CCSER2: variants seen among roughly 807,000 people sequenced by gnomAD.
The protein encoded by CCSER2 is serine-rich coiled-coil domain-containing protein 2.
In CCSER2, 46 loss-of-function variants were observed where a neutral mutation model predicts 92.3. The observed-to-expected ratio is 0.50, with a 90% CI of 0.39 to 0.64. The LOEUF is 0.64. Among genes scored for constraint, CCSER2 ranks in the 30% least tolerant of loss-of-function variants. CCSER2 has a pLI of 0.00. For synonymous variants in CCSER2, 433 were observed against 431.4 expected (o/e 1.00, Z -0.04); for missense variants, 1,244 against 1,238.9 (o/e 1.00, Z -0.06).
rs1293476871 is a variant in CCSER2 at position 84,516,725 on chromosome 10, T to C, written c.*2458T>C. 1 of 152,168 alleles carries C rather than the reference T, an allele frequency of 6.6e-6. No individual in the cohort carries two copies. Among genetic ancestry groups the C allele is most frequent in the Non-Finnish European group, 1.5e-5 (1 of 68,036 alleles). The allele number at this position is 152,168 out of a possible 1,614,324, so 9.4% of individuals were successfully genotyped here. A position where few individuals can be genotyped will look rare whatever the true frequency, so the allele number is the denominator to read the frequency against. On this transcript the variant is annotated 3_prime_UTR_variant, in exon 10 of 10. Transcript: ENST00000372088. ...TTTTCTCTATTTTTTCCTCCATGTA[T>C]TTACTCCATTTTTCTCTATTTTTTC...
rs1335571135 is a variant in CCSER2, at chr10:84,513,861, A to G, written c.2738A>G (p.Tyr913Cys). The G allele has an allele frequency of 3.3e-6, 5 of 1,536,244 alleles. No homozygotes were observed. The highest frequency in any genetic ancestry group is 3.5e-6 in the Non-Finnish European group (4 of 1,146,966). The change falls in exon 10 of 10, where the codon TAT (tyrosine) becomes TGT (cysteine). Residue 913 changes from tyrosine to cysteine, a missense_variant. By Grantham distance (194) the Tyr-to-Cys change is radical. Transcript: ENST00000372088. ...AGAAATCAGTCTCCGCCAGTGGGTT[A>G]TATGTCTCAGCCCAAGTCCTTGCAG... ...VGRNQSPPVG[Y>C]MSQPKSLQLL...
intron 1 of CCSER2, among the ~76,000 whole-genome samples, chr10:84,349,468 A>G (rs1031541032): frequency 1.3e-5 from 2 of 151,712 alleles, no homozygotes; most frequent in Non-Finnish European, 2.9e-5. Context: ...GGAGTTCGAG[A>G]CCAGCCTGGG....
At chr10:84,380,889 G>A (rs1840867449) in intron 3 of CCSER2, among the ~76,000 whole-genome samples, 1 of 152,018 alleles carries the variant, frequency 6.6e-6, no homozygotes, top group African/African-American at 2.4e-5. Flanking sequence ...TAGAGATGGG[G>A]TTTCACCGTG....
intron 9 of CCSER2, among the ~76,000 whole-genome samples, chr10:84,506,594 C>G (rs1176571778): frequency 6.6e-6 from 1 of 151,928 alleles, no homozygotes; most frequent in Non-Finnish European, 1.5e-5. Context: ...GAGTTCGAGA[C>G]CAGTCTGGCC....
At chr10:84,421,941 G>T (rs868238240) in intron 4 of CCSER2, among the ~76,000 whole-genome samples, 1 of 152,144 alleles carries the variant, frequency 6.6e-6, no homozygotes, top group East Asian at 1.9e-4. Context: ...ACCCAGCAAG[G>T]CCTGTCTGTT....
chr10:84,470,261 T>C, intron 7 of CCSER2, 111 bp from the exon 8 acceptor site: 1 of 533,088 alleles, frequency 1.9e-6, no homozygotes, highest in Non-Finnish European at 2.8e-6. Context: ...ATAGAGGATT[T>C]CCCCCCTAAA....
At chr10:84,369,538 A>G (rs1347648941) in intron 1 of CCSER2, among the ~76,000 whole-genome samples, 1 of 151,740 alleles carries the variant, frequency 6.6e-6, no homozygotes, top group African/African-American at 2.4e-5. Context: ...GATTAGTTGG[A>G]GTTCCTTATA....
At chr10:84,380,213 T>C (rs1363766982) in intron 3 of CCSER2, among the ~76,000 whole-genome samples, 1 of 152,018 alleles carries the variant, frequency 6.6e-6, no homozygotes, top group East Asian at 1.9e-4. Context: ...ATACATAATT[T>C]TAATTTACAT....
intron 3 of CCSER2, 155 bp downstream of exon 3, chr10:84,373,970 C>G: frequency 1.4e-6 from 2 of 1,413,806 alleles, no homozygotes; most frequent in East Asian, 2.5e-5. Context: ...ATATCTGACT[C>G]TAATATGAAA....
chr10:84,424,399 T>G (rs1843322309), intron 4 of CCSER2, among the ~76,000 whole-genome samples: 1 of 152,180 alleles, frequency 6.6e-6, no homozygotes, highest in African/African-American at 2.4e-5. Flanking sequence ...ATTAAATGTA[T>G]ATTTCTTCTT....
intron 9 of CCSER2, among the ~76,000 whole-genome samples, chr10:84,508,970 A>G (rs1849211372): frequency 6.6e-6 from 1 of 152,218 alleles, no homozygotes; most frequent in African/African-American, 2.4e-5. Flanking sequence ...AATGCTTGTT[A>G]AGATACTTTC....
intron 1 of CCSER2, among the ~76,000 whole-genome samples, chr10:84,365,392 A>G (rs1564601294): frequency 1.3e-5 from 2 of 152,342 alleles, no homozygotes; most frequent in African/African-American, 2.4e-5. Context: ...AATATAAGGG[A>G]AAATTTCATG....
At chr10:84,342,067 C>G in intron 1 of CCSER2, among the ~76,000 whole-genome samples, 1 of 152,212 alleles carries the variant, frequency 6.6e-6, no homozygotes, top group South Asian at 2.1e-4. Context: ...TCCCCTTCCC[C>G]CCCCTGGAGG....
chr10:84,510,048 CT>C (rs1187775763), intron 9 of CCSER2, among the ~76,000 whole-genome samples: 5 of 152,164 alleles, frequency 3.3e-5, no homozygotes, highest in Non-Finnish European at 7.3e-5. Flanking sequence ...GATTCCTCTT[CT>C]TAAAATTCAT....
intron 1 of CCSER2, among the ~76,000 whole-genome samples, chr10:84,364,717 C>T (rs1367131671): frequency 6.6e-6 from 1 of 150,794 alleles, no homozygotes; most frequent in East Asian, 1.9e-4. Context: ...TAAAAAAAGG[C>T]ATTTATAAGT....
At chr10:84,442,775 C>T (rs1844655890) in intron 6 of CCSER2, among the ~76,000 whole-genome samples, 2 of 152,172 alleles carry the variant, frequency 1.3e-5, no homozygotes, top group African/African-American at 2.4e-5. Flanking sequence ...CAGCATGGTG[C>T]TGGTACCAAA....
intron 9 of CCSER2, among the ~76,000 whole-genome samples, chr10:84,496,512 C>T (rs1326064912): frequency 6.6e-6 from 1 of 151,888 alleles, no homozygotes; most frequent in African/African-American, 2.4e-5. Flanking sequence ...GTCTGGATCT[C>T]CTGACCTCGT....
chr10:84,512,405 A>AGAGAGAGAGGGGGAGGAGAGAGAGAG (rs1554872166), intron 9 of CCSER2, among the ~76,000 whole-genome samples: 20 of 140,718 alleles, frequency 1.4e-4, no homozygotes, highest in African/African-American at 3.6e-4. Flanking sequence ...TGAGAGAGAG[A>AGAGAGAGAGGGGGAGGAGAGAGAGAG]GAGAGAGAGA....
intron 6 of CCSER2, among the ~76,000 whole-genome samples, chr10:84,460,087 A>ATTTTTTT (rs34335757): frequency 4.8e-5 from 5 of 103,284 alleles, no homozygotes; most frequent in Admixed American, 1.2e-4. Context: ...TGATTCTTCG[A>ATTTTTTT]TTTTTTTTTT....
Sources: allele counts gnomAD v4.1 joint callset (sites outside exome capture counted in the v4.1 genomes callset), GRCh38; gene constraint gnomAD v4.1.1; transcripts MANE v1.5; gene names NCBI Gene and HGNC (gene_info 2026-07-23, HGNC 2026-07-21).